The following DLGAP2 variants were observed in gnomAD, a reference collection of about 807,000 sequenced individuals.
The protein encoded by DLGAP2 is DLG associated protein 2.
In DLGAP2, 26 loss-of-function variants were observed where a neutral mutation model predicts 100.3. The ratio of observed to expected loss-of-function variants is 0.26; its 90% CI spans 0.19 to 0.36. DLGAP2 has a LOEUF of 0.36. Among genes scored for constraint, DLGAP2 ranks in the 10% least tolerant of loss-of-function variants. The pLI is 1.00. For missense variants in DLGAP2, 1,858 were observed against 1,453.2 expected (o/e 1.28, Z -4.53); for synonymous variants, 886 against 630.1 (o/e 1.41, Z -6.08).
At chr8:998,032 A>C (rs915153086) in intron 2 of DLGAP2, among the ~76,000 whole-genome samples, 1 of 152,120 alleles carries the variant, frequency 6.6e-6, no homozygotes, top group African/African-American at 2.4e-5. Context: ...AACATGCATA[A>C]ACATGTGCAT....
At chr8:1,543,467 C>A (rs1007772641) in intron 4 of DLGAP2, among the ~76,000 whole-genome samples, 2 of 152,268 alleles carry the variant, frequency 1.3e-5, no homozygotes, top group African/African-American at 4.8e-5. Flanking sequence ...TCTGGGTGAC[C>A]TTGTCTCCCT....
At chr8:1,492,223 C>A (rs1029674573) in intron 3 of DLGAP2, among the ~76,000 whole-genome samples, 1 of 152,192 alleles carries the variant, frequency 6.6e-6, no homozygotes, top group Non-Finnish European at 1.5e-5. Flanking sequence ...GTAATCATTA[C>A]GGCAGTGGCT....
At chr8:1,445,087 T>C (rs1334640997) in intron 3 of DLGAP2, among the ~76,000 whole-genome samples, 2 of 151,502 alleles carry the variant, frequency 1.3e-5, no homozygotes, top group Non-Finnish European at 2.9e-5. Flanking sequence ...TCTTTTTTTT[T>C]TTTTTTAATT....
intron 1 of DLGAP2, among the ~76,000 whole-genome samples, chr8:877,525 T>G (rs1797707392): frequency 6.6e-6 from 1 of 152,272 alleles, no homozygotes; most frequent in African/African-American, 2.4e-5. Flanking sequence ...TGCTGCTGAT[T>G]GCAATTGTGG....
Position 1,549,514 on chromosome 8 carries a change from G to A in DLGAP2, c.1061G>A (p.Cys354Tyr). 1.2e-6 allele frequency: 2 copies of A among 1,613,492 alleles called. No homozygotes were observed. The highest frequency in any genetic ancestry group is 1.7e-6 in the Non-Finnish European group (2 of 1,179,854). ...AACAACGACGTCAAGTGCTCGGCCT[G>A]TGAGGGGTTGGCGCTGACGCCCGAC... ...KSNNDVKCSA[C>Y]EGLALTPDAK... The change falls in exon 5 of 15, where the codon TGT (cysteine) becomes TAT (tyrosine). Residue 354 changes from cysteine to tyrosine, a missense_variant. Transcript: ENST00000637795.
chr8:1,175,573 A>G (rs764474012), intron 2 of DLGAP2, among the ~76,000 whole-genome samples: 18 of 152,218 alleles, frequency 1.2e-4, no homozygotes, highest in Admixed American at 4.6e-4. Context: ...ATGCGACTCC[A>G]TTAGGACAGT....
intron 3 of DLGAP2, among the ~76,000 whole-genome samples, chr8:1,291,806 C>G (rs956235785): frequency 6.6e-6 from 1 of 152,154 alleles, no homozygotes; most frequent in African/African-American, 2.4e-5. Flanking sequence ...GCAAATCCAT[C>G]TCACTGCCCT....
intron 1 of DLGAP2, among the ~76,000 whole-genome samples, chr8:760,150 T>G (rs938285107): frequency 6.6e-6 from 1 of 152,200 alleles, no homozygotes; most frequent in African/African-American, 2.4e-5. Flanking sequence ...TTTCTGTGGC[T>G]TCTTCTTCTC....
chr8:1,289,340 C>A (rs1206716881), intron 3 of DLGAP2, among the ~76,000 whole-genome samples: 1 of 152,202 alleles, frequency 6.6e-6, no homozygotes, highest in Non-Finnish European at 1.5e-5. Flanking sequence ...GTAGAAGACA[C>A]ATTTAACAAG....
chr8:1,155,274 C>A (rs1400642471), intron 2 of DLGAP2, among the ~76,000 whole-genome samples: 1 of 152,158 alleles, frequency 6.6e-6, no homozygotes, highest in Non-Finnish European at 1.5e-5. Flanking sequence ...TGGCTGCACT[C>A]CGTCTTCCCG....
intron 2 of DLGAP2, among the ~76,000 whole-genome samples, chr8:1,176,390 C>T (rs111491276): frequency 9.9e-4 from 106 of 107,006 alleles, no homozygotes; most frequent in African/African-American, 3.6e-3. Context: ...CAAACCATAT[C>T]ACCAGAGTTT....
intron 2 of DLGAP2, among the ~76,000 whole-genome samples, chr8:1,244,214 C>T (rs535123966): frequency 3.9e-5 from 6 of 152,234 alleles, no homozygotes; most frequent in Non-Finnish European, 8.8e-5. Context: ...GGTGCACGTA[C>T]CTGTGTCCTT....
At chr8:1,459,236 C>G (rs6986628) in intron 3 of DLGAP2, among the ~76,000 whole-genome samples, 2 of 85,258 alleles carry the variant, frequency 2.3e-5, no homozygotes, top group Non-Finnish European at 5.1e-5. Context: ...AGCGTGCGTC[C>G]CAGACAGGAG....
intron 2 of DLGAP2, among the ~76,000 whole-genome samples, chr8:955,367 G>A (rs1319378770): frequency 6.6e-6 from 1 of 152,102 alleles, no homozygotes; most frequent in Non-Finnish European, 1.5e-5. Flanking sequence ...AAGCAGGTGC[G>A]TCGCTCTGTT....
chr8:1,509,344 ACCGTATAGACT>A (rs1563191891), intron 4 of DLGAP2, among the ~76,000 whole-genome samples: 1 of 145,734 alleles, frequency 6.9e-6, no homozygotes, highest in African/African-American at 2.5e-5. Flanking sequence ...AAAAAAAAAA[ACCGTATAGACT>A]AGAAAATACC....
intron 3 of DLGAP2, among the ~76,000 whole-genome samples, chr8:1,495,782 C>A (rs928223541): frequency 1.3e-5 from 2 of 152,220 alleles, no homozygotes; most frequent in East Asian, 1.9e-4. Flanking sequence ...CGTATGCTTT[C>A]GCTTTCTAGT....
At chr8:1,377,034 C>T (rs78956956) in intron 3 of DLGAP2, among the ~76,000 whole-genome samples, 19 of 152,212 alleles carry the variant, frequency 1.2e-4, no homozygotes, top group African/African-American at 2.2e-4. Flanking sequence ...AGTTACTGTG[C>T]GCGGTCCCTG....
chr8:1,474,531 G>A (rs963711086), intron 3 of DLGAP2, among the ~76,000 whole-genome samples: 20 of 152,028 alleles, frequency 1.3e-4, no homozygotes, highest in South Asian at 4.1e-4. Flanking sequence ...TCACGTCCAC[G>A]CCAACATTAT....
At chr8:1,334,395 C>A (rs1412043142) in intron 3 of DLGAP2, among the ~76,000 whole-genome samples, 2 of 152,182 alleles carry the variant, frequency 1.3e-5, no homozygotes, top group Non-Finnish European at 2.9e-5. Context: ...CCAACCACAT[C>A]AAATGGTGGA....
Sources: allele counts gnomAD v4.1 joint callset (sites outside exome capture counted in the v4.1 genomes callset), GRCh38; gene constraint gnomAD v4.1.1; transcripts MANE v1.5; gene names NCBI Gene and HGNC (gene_info 2026-07-23, HGNC 2026-07-21).